ZFHX4: variants seen among roughly 807,000 people sequenced by gnomAD.
ZFHX4 encodes the protein zinc finger homeobox protein 4.
In ZFHX4, 56 loss-of-function variants were observed where a neutral mutation model predicts 267.6. The ratio of observed to expected loss-of-function variants is 0.21; its 90% CI spans 0.17 to 0.26. The LOEUF is 0.26. Among genes scored for constraint, ZFHX4 ranks in the 10% least tolerant of loss-of-function variants. ZFHX4 has a pLI of 1.00. For synonymous variants in ZFHX4, 1,778 were observed against 1,665.6 expected, an observed-to-expected ratio of 1.07 and a Z score of -1.64; for missense variants, 4,332 against 4,420.0, an observed-to-expected ratio of 0.98 and a Z score of 0.56.
At position 76,706,354 on chromosome 8, in the gene ZFHX4, C is replaced by T. The variant is rs551678593; in HGVS notation, c.2266C>T (p.Pro756Ser). The change falls in exon 2 of 11, where the codon CCC becomes TCC. Residue 756 changes from proline (P) to serine (S), a missense_variant. Pro to Ser is a moderately conservative substitution (Grantham distance 74). Transcript: ENST00000651372. ...CACCAGCCTCAGTGGCTGCGGAACA[C>T]CCTCTCCGTCCAAACCCAAACAGAA... is the stretch of plus-strand genomic sequence containing the variant. ...PNTSLSGCGT[P>S]SPSKPKQKPT... 4.2e-5 allele frequency: 68 copies of T among 1,614,022 alleles called. No individual in the cohort carries two copies. The African/African-American group carries it at 6.8e-4, about 16-fold the overall frequency.
intron 1 of ZFHX4, among the ~76,000 whole-genome samples, chr8:76,701,584 C>T (rs936530961): frequency 2.0e-5 from 3 of 152,130 alleles, no homozygotes; most frequent in Non-Finnish European, 2.9e-5. Flanking sequence ...GTTTATTCCA[C>T]ATCTGGCCAA....
rs763547315 is a variant in ZFHX4 at position 76,705,540 on chromosome 8, C to T, written c.1452C>T (p.Asp484=). Residue 484 remains aspartate (D), a synonymous_variant, in exon 2 of 11, where the codon GAC becomes GAT. Transcript: ENST00000651372. ...ATGCGTACTCCAATGAACTTGATGA[C>T]GAGGAAGTATTAGGTGAACTCACCG... is the stretch of plus-strand genomic sequence containing the variant. The part of the protein sequence containing the change: ...EEDAYSNELD[D]EEVLGELTDS... 1.2e-6 allele frequency: 2 copies of T among 1,613,454 alleles called. No individual in the cohort carries two copies. Among genetic ancestry groups the T allele is most frequent in the African/African-American group, 1.3e-5 (1 of 75,010 alleles).
intron 3 of ZFHX4, among the ~76,000 whole-genome samples, chr8:76,770,171 T>C (rs1380963392): frequency 6.6e-6 from 1 of 152,178 alleles, no homozygotes; most frequent in Non-Finnish European, 1.5e-5. Context: ...AATCTTGCTA[T>C]AAGTGATAAC....
chr8:76,836,247 G>T (rs1010959204), intron 5 of ZFHX4, among the ~76,000 whole-genome samples: 6 of 152,160 alleles, frequency 3.9e-5, no homozygotes, highest in African/African-American at 1.2e-4. Context: ...TAGAGCAGAG[G>T]TTCTCAAAGT....
In ZFHX4 at chr8:76,786,208, G is replaced by A. The variant is rs116803504; in HGVS notation, c.3325+7769G>A. On this transcript the variant is annotated intron_variant, in intron 4 of 10. Transcript: ENST00000651372. ...AACACGCTATAGAGAATGAGCAGAC[G>A]TTTTGAGACAGAACTTTTAAAAAAA... Among the ~76,000 whole-genome samples, 648 of 152,006 alleles carry A rather than the reference G, an allele frequency of 4.3e-3. 8 individuals carry two copies. The highest frequency in any genetic ancestry group is 0.015 in the African/African-American group (606 of 41,478).
chr8:76,864,202 C>A lies in ZFHX4; in HGVS notation c.10488C>A (p.Ser3496=). ...GATTATTACCTCACTCAGTCTGCTC[C>A]CCTAATCCTAACACCACATCTACCT... ...HVRLLPHSVC[S]PNPNTTSTSQ... Residue 3496 remains serine (S), a synonymous_variant, in exon 11 of 11, where the codon TCC becomes TCA. Coordinates refer to ENST00000651372, the MANE Select transcript of ZFHX4 (RefSeq NM_024721.5). 1 of 1,613,918 alleles carries A rather than the reference C, an allele frequency of 6.2e-7. No homozygotes were observed. The highest frequency in any genetic ancestry group is 8.5e-7 in the Non-Finnish European group (1 of 1,179,852).
chr8:76,769,354 T>C (rs1021018008), intron 3 of ZFHX4, among the ~76,000 whole-genome samples: 1 of 152,166 alleles, frequency 6.6e-6, no homozygotes, highest in East Asian at 1.9e-4. Context: ...TTTCTTTCTT[T>C]CTTCTTTTTT....
chr8:76,796,993 T>C (rs563469691), intron 4 of ZFHX4, among the ~76,000 whole-genome samples: 8 of 152,282 alleles, frequency 5.3e-5, no homozygotes, highest in Admixed American at 3.9e-4. Flanking sequence ...GTGAGTCTCC[T>C]CTAACGTAAA....
chr8:76,851,635 G>T lies in ZFHX4; in HGVS notation c.4714G>T (p.Val1572Phe), dbSNP rs1165254188. 6.2e-7 allele frequency: 1 copy of T among 1,613,676 alleles called. No individual in the cohort carries two copies. Among genetic ancestry groups the T allele is most frequent in the Non-Finnish European group, 8.5e-7 (1 of 1,179,846 alleles). ...SVSHLHKLKKVLQEASSPVPQ... is the reference protein window; with the variant it reads ...SVSHLHKLKKFLQEASSPVPQ... ...TTCTCACTTGCATAAGCTGAAAAAA[G>T]TTTTGCAGGAAGCCTCCAGTCCTGT... is the stretch of plus-strand genomic sequence containing the variant. The change falls in exon 10 of 11, where the codon GTT becomes TTT. Residue 1572 changes from valine (V) to phenylalanine (F), a missense_variant. Val to Phe is a conservative substitution (Grantham distance 50, BLOSUM62 -1). Coordinates refer to ENST00000651372, the MANE Select transcript of ZFHX4 (RefSeq NM_024721.5).
intron 3 of ZFHX4, among the ~76,000 whole-genome samples, chr8:76,717,912 A>G (rs1211701636): frequency 6.6e-6 from 1 of 152,172 alleles, no homozygotes; most frequent in Non-Finnish European, 1.5e-5. Context: ...GGATATTTTG[A>G]TAACTGTAAT....
chr8:76,697,974 T>C (rs1275721108), intron 1 of ZFHX4, among the ~76,000 whole-genome samples: 1 of 152,098 alleles, frequency 6.6e-6, no homozygotes, highest in Non-Finnish European at 1.5e-5. Context: ...ATTCTCAGTA[T>C]TGGCAAACAA....
intron 4 of ZFHX4, among the ~76,000 whole-genome samples, chr8:76,789,965 G>T (rs1231785199): frequency 2.0e-5 from 3 of 152,144 alleles, no homozygotes; most frequent in Admixed American, 6.5e-5. Context: ...TTTTGTTTCA[G>T]ATTTGATTTC....
At chr8:76,845,191 C>T (rs552052428) in intron 6 of ZFHX4, among the ~76,000 whole-genome samples, 11 of 152,096 alleles carry the variant, frequency 7.2e-5, no homozygotes, top group South Asian at 4.2e-4. Flanking sequence ...CAAAATGAGA[C>T]GTGGCAATAT....
In ZFHX4 at chr8:76,854,800, G is replaced by T; in HGVS notation, c.7879G>T (p.Asp2627Tyr). 1 of 1,610,984 alleles carries T rather than the reference G, an allele frequency of 6.2e-7. No individual in the cohort carries two copies. The highest frequency in any genetic ancestry group is 2.2e-5 in the East Asian group (1 of 44,784). The part of the protein sequence containing the change: ...LEILYEKYLL[D>Y]SNPTRKMLDH... ...AATACTCTATGAAAAATACTTGCTGGATTCCAATCCTACCAGAAAAATGCT... is the reference window on the plus strand; with the variant it reads ...AATACTCTATGAAAAATACTTGCTGTATTCCAATCCTACCAGAAAAATGCT... The change falls in exon 10 of 11, where the codon GAT becomes TAT. Residue 2627 changes from aspartate to tyrosine, a missense_variant. This residue lies in a region of ZFHX4 where 1,648 missense variants were observed against 1,625.0 expected (regional missense o/e 1.01). Coordinates refer to ENST00000651372, the MANE Select transcript of ZFHX4 (RefSeq NM_024721.5).
At chr8:76,773,012 A>G (rs1002963978) in intron 3 of ZFHX4, among the ~76,000 whole-genome samples, 1 of 152,054 alleles carries the variant, frequency 6.6e-6, no homozygotes, top group Non-Finnish European at 1.5e-5. Context: ...ATATTTGTTT[A>G]TTTTGTTTCC....
intron 3 of ZFHX4, among the ~76,000 whole-genome samples, chr8:76,736,404 T>G (rs1809162119): frequency 6.6e-6 from 1 of 152,136 alleles, no homozygotes; most frequent in Non-Finnish European, 1.5e-5. Flanking sequence ...ACTTTTCCTT[T>G]TGTGGTTTGA....
At position 76,852,548 on chromosome 8, in the gene ZFHX4, G is replaced by T. The variant is rs765193998; in HGVS notation, c.5627G>T (p.Gly1876Val). 5 of 1,610,826 alleles carry T rather than the reference G, an allele frequency of 3.1e-6. No individual in the cohort carries two copies. The highest frequency in any genetic ancestry group is 4.2e-6 in the Non-Finnish European group (5 of 1,178,352). The change falls in exon 10 of 11, where the codon GGT becomes GTT. Residue 1876 changes from glycine to valine, a missense_variant. Transcript: ENST00000651372. The stretch of plus-strand genomic sequence containing the variant: ...CCAAAGCAGGAATTTATAAGTGAAG[G>T]TGAAGGACTCAAAGAAGGCAAAGAC... ...EKPKQEFISE[G>V]EGLKEGKDTK...
chr8:76,741,699 A>G (rs937913175), intron 3 of ZFHX4, among the ~76,000 whole-genome samples: 7 of 152,210 alleles, frequency 4.6e-5, no homozygotes, highest in Non-Finnish European at 2.9e-5. Flanking sequence ...TTTGTGGTAT[A>G]GATAGAAATC....
intron 5 of ZFHX4, among the ~76,000 whole-genome samples, chr8:76,835,269 A>ATGTATATATATATATG (rs1812063928): frequency 1.4e-5 from 2 of 143,448 alleles, no homozygotes; most frequent in Non-Finnish European, 3.0e-5. Context: ...ATTCATACAT[A>ATGTATATATATATATG]TATTTGTTAA....
Sources: gnomAD v4.1 joint callset for allele counts (sites outside exome capture counted in the v4.1 genomes callset) on GRCh38, gnomAD v4.1.1 for gene constraint, gnomAD v4.1.1 regional missense constraint, MANE v1.5 for transcripts, NCBI Gene and HGNC (gene_info 2026-07-23, HGNC 2026-07-21) for gene names.